ZBTB49: variants seen among roughly 807,000 people sequenced by gnomAD.
ZBTB49 encodes the protein zinc finger and BTB domain-containing protein 49.
In ZBTB49, 43 loss-of-function variants were observed where a neutral mutation model predicts 57.5. The observed-to-expected ratio is 0.75, with a 90% confidence interval of 0.59 to 0.97. The LOEUF (loss-of-function observed/expected upper bound fraction) is 0.97. ZBTB49 is among the 50% of genes least tolerant of loss of function. The pLI, the probability that ZBTB49 is intolerant of heterozygous loss-of-function variation, is 0.00. For missense variants in ZBTB49, 938 were observed against 947.7 expected (o/e 0.99, Z 0.13); for synonymous variants, 369 against 362.1 (o/e 1.02, Z -0.22).
Position 4,303,079 on chromosome 4 carries a change from C to CTT in ZBTB49, c.1243_1244insTT (p.Arg415LeufsTer81). 2 of 1,603,336 alleles carry CTT rather than the reference C, an allele frequency of 1.2e-6. No individual in the cohort carries two copies. Among genetic ancestry groups the CTT allele is most frequent in the Non-Finnish European group, 1.7e-6 (2 of 1,173,692 alleles). ...CCCAAGCAACTTGGAGCTTCACAAA[C>CTT]GGTCTCATACAGGTAACTGATTCAG... On this transcript the variant is annotated frameshift_variant, in exon 3 of 8. Coordinates refer to ENST00000337872, the MANE Select transcript of ZBTB49 (RefSeq NM_145291.4). LOFTEE classifies it high-confidence loss of function.
At chr4:4,294,544 A>G (rs1341827585) in intron 1 of ZBTB49, among the ~76,000 whole-genome samples, 1 of 151,874 alleles carries the variant, frequency 6.6e-6, no homozygotes, top group Non-Finnish European at 1.5e-5. Context: ...TTTAGTGGAG[A>G]TGGTTTCTTC....
chr4:4,300,908 A>T (rs908181873), intron 2 of ZBTB49, among the ~76,000 whole-genome samples: 1 of 152,070 alleles, frequency 6.6e-6, no homozygotes. Flanking sequence ...CAAAATGCAT[A>T]CCGTTTTACT....
intron 7 of ZBTB49, among the ~76,000 whole-genome samples, chr4:4,317,997 C>G (rs571237368): frequency 1.3e-5 from 2 of 152,312 alleles, no homozygotes; most frequent in Admixed American, 6.5e-5. Context: ...CAGCATGCCT[C>G]TGTACAGTGG....
intron 4 of ZBTB49, among the ~76,000 whole-genome samples, chr4:4,307,981 C>T (rs1720813518): frequency 6.6e-6 from 1 of 152,208 alleles, no homozygotes; most frequent in Non-Finnish European, 1.5e-5. Context: ...AGGCTGCAGT[C>T]CACCTCCACT....
chr4:4,320,732 T>G lies in ZBTB49; in HGVS notation c.1714T>G (p.Phe572Val). 1.2e-6 allele frequency: 2 copies of G among 1,614,218 alleles called. No individual in the cohort carries two copies. Among genetic ancestry groups the G allele is most frequent in the South Asian group, 2.2e-5 (2 of 91,080 alleles). Reference protein sequence around the residue: ...PYTCEICNKCFTRSAVLRRHK... With the variant: ...PYTCEICNKCVTRSAVLRRHK... ...CACATGTGAGATCTGTAACAAGTGC[T>G]TTACCCGCTCTGCGGTGCTCCGGCG... Residue 572 changes from phenylalanine (F) to valine (V), a missense_variant, in exon 8 of 8, where the codon TTT (phenylalanine) becomes GTT (valine). Physicochemically the swap from Phe to Val is conservative, Grantham distance 50. This residue lies in a region of ZBTB49 where 835 missense variants were observed against 819.1 expected (regional missense o/e 1.02). Coordinates refer to ENST00000337872, the MANE Select transcript of ZBTB49 (RefSeq NM_145291.4).
intron 5 of ZBTB49, among the ~76,000 whole-genome samples, chr4:4,314,819 C>T (rs770886676): frequency 6.6e-5 from 10 of 152,314 alleles, no homozygotes; most frequent in Middle Eastern, 3.4e-3. Flanking sequence ...AGTTAGTAAC[C>T]GCCTCTGAAC....
chr4:4,317,459 G>A (rs1177396264), intron 7 of ZBTB49, among the ~76,000 whole-genome samples: 3 of 151,972 alleles, frequency 2.0e-5, no homozygotes, highest in Non-Finnish European at 4.4e-5. Context: ...CACCCCAGAA[G>A]GAAGCCTTAT....
intron 5 of ZBTB49, 147 bp from the exon 6 acceptor site, chr4:4,315,489 T>C (rs1034837789): frequency 4.1e-6 from 3 of 730,662 alleles, no homozygotes; most frequent in Non-Finnish European, 6.7e-6. Flanking sequence ...GTTTTTTCCA[T>C]GCACGTTTCA....
At chr4:4,314,107 A>G (rs999601286) in intron 5 of ZBTB49, among the ~76,000 whole-genome samples, 5 of 152,182 alleles carry the variant, frequency 3.3e-5, no homozygotes, top group African/African-American at 1.2e-4. Context: ...GTTTCAGGAA[A>G]ACCATTTCTC....
chr4:4,306,190 AAT>A lies in ZBTB49; in HGVS notation c.1302+8_1302+9del. 1 of 1,611,422 alleles carries A rather than the reference AAT, an allele frequency of 6.2e-7. No homozygotes were observed. The highest frequency in any genetic ancestry group is 1.1e-5 in the South Asian group (1 of 90,842). On this transcript the variant is annotated splice_region_variant and intron_variant, in intron 4 of 7. Transcript: ENST00000337872. The stretch of plus-strand genomic sequence containing the variant: ...GTGGGAAACATTTCTCTCAGGTGGG[AAT>A]ACTCTTATTTATTGTTAATAATTGG...
chr4:4,305,545 G>A (rs1321911167), intron 3 of ZBTB49, among the ~76,000 whole-genome samples: 4 of 152,140 alleles, frequency 2.6e-5, no homozygotes, highest in Non-Finnish European at 4.4e-5. Flanking sequence ...GTCCCCAAGC[G>A]CAGTTACTTA....
At chr4:4,318,064 C>T (rs1039078737) in intron 7 of ZBTB49, among the ~76,000 whole-genome samples, 5 of 152,176 alleles carry the variant, frequency 3.3e-5, no homozygotes, top group South Asian at 2.1e-4. Context: ...GTGTGGCGCC[C>T]ACCCGCCTGT....
chr4:4,316,117 C>G, intron 7 of ZBTB49, 147 bp downstream of exon 7: 1 of 1,112,302 alleles, frequency 9.0e-7, no homozygotes, highest in Non-Finnish European at 1.3e-6. Flanking sequence ...TCATTCATTC[C>G]TGCATTTGTG....
In ZBTB49 at chr4:4,306,325, T is replaced by G. The variant is rs181107207; in HGVS notation, c.1302+141T>G. 6.2e-4 allele frequency: 446 copies of G among 715,996 alleles called. No individual in the cohort carries two copies. The African/African-American group carries it at 6.8e-3, about 11-fold the overall frequency. 44.4% of individuals were successfully genotyped at this position (715,996 alleles called of 1,614,324 possible). On this transcript the variant is annotated intron_variant, in intron 4 of 7. Transcript: ENST00000337872. ...TTAAAGACTTCAGAATAAATTAGGA[T>G]AAATCGTTTTCAAGAAAACAGATTT... is the stretch of plus-strand genomic sequence containing the variant.
rs780046525 is a variant in ZBTB49 at position 4,302,212 on chromosome 4, C to G, written c.376C>G (p.Pro126Ala). The change falls in exon 3 of 8, where the codon CCT (proline) becomes GCT (alanine). Residue 126 changes from proline to alanine, a missense_variant. Pro to Ala is a conservative substitution (Grantham distance 27, BLOSUM62 -1). Coordinates refer to ENST00000337872, the MANE Select transcript of ZBTB49 (RefSeq NM_145291.4). Reference sequence around the variant, plus strand: ...AAAATCAGCCACTGTAGTACAGCCACCTGGCATGCCTTGTAATAGTACATT... The same window carrying G: ...AAAATCAGCCACTGTAGTACAGCCAGCTGGCATGCCTTGTAATAGTACATT... ...FLKSATVVQP[P>A]GMPCNSTLSL... The G allele has an allele frequency of 3.1e-6, 5 of 1,614,134 alleles. No individual in the cohort carries two copies. In the East Asian group the frequency reaches 1.1e-4, roughly 36 times the overall value.
Position 4,321,236 on chromosome 4 carries a change from G to C in ZBTB49, c.2218G>C (p.Glu740Gln). 1 of 1,614,164 alleles carries C rather than the reference G, an allele frequency of 6.2e-7. No individual in the cohort carries two copies. The highest frequency in any genetic ancestry group is 8.5e-7 in the Non-Finnish European group (1 of 1,180,032). ...RASSTTYRNS[E>Q]GQFFSSMTLW... is the part of the protein sequence containing the mutation. Reference sequence around the variant, plus strand: ...ATCTTCCACCACTTATAGGAACTCAGAGGGTCAGTTTTTCTCCAGCATGAC... The same window carrying C: ...ATCTTCCACCACTTATAGGAACTCACAGGGTCAGTTTTTCTCCAGCATGAC... The change falls in exon 8 of 8, where the codon GAG (glutamate) becomes CAG (glutamine). Residue 740 changes from glutamate (E) to glutamine (Q), a missense_variant. Physicochemically the swap from Glu to Gln is conservative, Grantham distance 29. This residue lies in a region of ZBTB49 where 835 missense variants were observed against 819.1 expected (regional missense o/e 1.02). Coordinates refer to ENST00000337872, the MANE Select transcript of ZBTB49 (RefSeq NM_145291.4).
At position 4,320,757 on chromosome 4, in the gene ZBTB49, G is replaced by C; in HGVS notation, c.1739G>C (p.Arg580Pro). Residue 580 changes from arginine (R) to proline (P), a missense_variant, in exon 8 of 8, where the codon CGG (arginine) becomes CCG (proline). This residue lies in a region of ZBTB49 where 835 missense variants were observed against 819.1 expected (regional missense o/e 1.02). Transcript: ENST00000337872. Reference protein sequence around the residue: ...KCFTRSAVLRRHKKMHCKAGD... With the variant: ...KCFTRSAVLRPHKKMHCKAGD... ...TTTACCCGCTCTGCGGTGCTCCGGC[G>C]GCACAAGAAGATGCACTGCAAAGCT... The C allele has an allele frequency of 6.2e-7, 1 of 1,614,210 alleles. No individual in the cohort carries two copies.
chr4:4,303,448 G>T (rs1314953807), intron 3 of ZBTB49, among the ~76,000 whole-genome samples: 3 of 152,066 alleles, frequency 2.0e-5, no homozygotes, highest in Non-Finnish European at 4.4e-5. Flanking sequence ...TGTCTTTTTA[G>T]AATTAGATTA....
Position 4,302,569 on chromosome 4 carries a change from AC to A in ZBTB49, c.735del (p.Ser246LeufsTer7), listed in dbSNP as rs767543833. On this transcript the variant is annotated frameshift_variant, in exon 3 of 8. Coordinates refer to ENST00000337872, the MANE Select transcript of ZBTB49 (RefSeq NM_145291.4). LOFTEE classifies it high-confidence loss of function. The part of the protein sequence containing the change: ...RVVEQPFAFS[T>X]STDLTTVESQ... ...TGTTGAGCAGCCTTTTGCTTTCAGC[AC>A]CTCTACAGACCTTACCACGGTAGAG... is the stretch of plus-strand genomic sequence containing the variant. 10 of 1,613,936 alleles carry A rather than the reference AC, an allele frequency of 6.2e-6. No homozygotes were observed. The highest frequency in any genetic ancestry group is 8.5e-6 in the Non-Finnish European group (10 of 1,179,942).
Sources: gnomAD v4.1 joint callset for allele counts (sites outside exome capture counted in the v4.1 genomes callset) on GRCh38, gnomAD v4.1.1 for gene constraint, gnomAD v4.1.1 regional missense constraint, MANE v1.5 for transcripts, NCBI Gene and HGNC (gene_info 2026-07-23, HGNC 2026-07-21) for gene names.